CCDC127: variants seen among roughly 807,000 people sequenced by gnomAD.
CCDC127 encodes coiled-coil domain containing 127, also known as coiled-coil domain-containing protein 127.
In CCDC127, 2 loss-of-function variants were observed where a neutral mutation model predicts 4.1. The observed-to-expected ratio is 0.49, with a 90% confidence interval of 0.20 to 1.53. The LOEUF (loss-of-function observed/expected upper bound fraction) is 1.53. Among genes scored for constraint, CCDC127 ranks in the 40% most tolerant of loss-of-function variants. CCDC127 has a pLI of 0.23. For synonymous variants in CCDC127, 98 were observed against 120.4 expected (o/e 0.81, Z 1.22); for missense variants, 271 against 322.9 (o/e 0.84, Z 1.23).
At chr5:207,209 TC>T (rs914424050) in intron 2 of CCDC127, among the ~76,000 whole-genome samples, 2 of 152,138 alleles carry the variant, frequency 1.3e-5, no homozygotes, top group African/African-American at 4.8e-5. Flanking sequence ...TGAAAGCCAG[TC>T]CCCCTTGGAT....
Position 205,265 on chromosome 5 carries a change from G to A in CCDC127, c.*32C>T. On this transcript the variant is annotated 3_prime_UTR_variant, in exon 3 of 3. Transcript: ENST00000296824. ...AAGGCGCATGACTGCCTGGCCTCGA[G>A]TCACTAAAAGCAGTTTGATTTCACT... is the stretch of plus-strand genomic sequence containing the variant. 1 of 1,571,724 alleles carries A rather than the reference G, an allele frequency of 6.4e-7. No individual in the cohort carries two copies. The highest frequency in any genetic ancestry group is 8.7e-7 in the Non-Finnish European group (1 of 1,155,688).
rs750603310 is a variant in CCDC127 at position 203,303 on chromosome 5, C to G, written c.*1994G>C. 1 of 152,220 alleles carries G rather than the reference C, an allele frequency of 6.6e-6. No individual in the cohort carries two copies. The highest frequency in any genetic ancestry group is 1.5e-5 in the Non-Finnish European group (1 of 68,044). 9.4% of individuals were successfully genotyped at this position (152,220 alleles called of 1,614,324 possible). The stretch of plus-strand genomic sequence containing the variant: ...AAGCGATGGTGGTAGAGCAGAGAGG[C>G]ACGCTAGCAGCCACTGAAGAAGAGA... On this transcript the variant is annotated 3_prime_UTR_variant, in exon 3 of 3. Transcript: ENST00000296824.
chr5:213,454 A>T (rs1734314769), intron 2 of CCDC127, among the ~76,000 whole-genome samples: 1 of 110,874 alleles, frequency 9.0e-6, no homozygotes, highest in Non-Finnish European at 1.8e-5. Flanking sequence ...GACATCGCAC[A>T]CTGCAGCCAC....
intron 1 of CCDC127, 33 bp downstream of exon 1, chr5:218,060 C>A: frequency 8.9e-7 from 1 of 1,119,018 alleles, no homozygotes; most frequent in Middle Eastern, 3.7e-4. Context: ...AATGTTGGTG[C>A]CCACCACCTC....
intron 2 of CCDC127, among the ~76,000 whole-genome samples, chr5:208,632 C>T (rs1734222604): frequency 6.6e-6 from 1 of 152,010 alleles, no homozygotes; most frequent in African/African-American, 2.4e-5. Flanking sequence ...CGGGGGGCAC[C>T]AGTAGAGGCC....
intron 2 of CCDC127, among the ~76,000 whole-genome samples, chr5:209,951 C>G (rs1387329297): frequency 6.6e-6 from 1 of 152,190 alleles, no homozygotes; most frequent in African/African-American, 2.4e-5. Context: ...GCTTCCTTGA[C>G]TTGATAAACA....
chr5:213,237 G>A (rs375725769), intron 2 of CCDC127, among the ~76,000 whole-genome samples: 3 of 67,884 alleles, frequency 4.4e-5, no homozygotes, highest in Admixed American at 1.5e-4. Flanking sequence ...TGGGGCAGAC[G>A]GGACAGCAGT....
chr5:206,026 A>T, intron 2 of CCDC127, 68 bp from the exon 3 acceptor site: 1 of 1,374,250 alleles, frequency 7.3e-7, no homozygotes, highest in Non-Finnish European at 1.0e-6. Flanking sequence ...TCCTCACTTA[A>T]ATCATAAGGC....
rs113035448 is a variant in CCDC127 at position 200,394 on chromosome 5, A to T, written c.*4903T>A. 1.3e-5 allele frequency: 2 copies of T among 152,304 alleles called. No homozygotes were observed. The highest frequency in any genetic ancestry group is 4.8e-5 in the African/African-American group (2 of 41,468). 9.4% of individuals were successfully genotyped at this position (152,304 alleles called of 1,614,324 possible). A position where few individuals can be genotyped will look rare whatever the true frequency, so the allele number is the denominator to read the frequency against. ...AGAACACCGCGGTATGGTGGAGCCC[A>T]GCGCTTCCCTAACTCGGCCGCCCGC... On this transcript the variant is annotated 3_prime_UTR_variant, in exon 3 of 3. Transcript: ENST00000296824.
intron 2 of CCDC127, among the ~76,000 whole-genome samples, chr5:211,239 AC>A: frequency 8.3e-6 from 1 of 120,256 alleles, no homozygotes; most frequent in African/African-American, 3.4e-5. Flanking sequence ...ACGAGACAGC[AC>A]CACACACCCA....
chr5:209,068 T>C (rs1289296958), intron 2 of CCDC127, among the ~76,000 whole-genome samples: 1 of 152,170 alleles, frequency 6.6e-6, no homozygotes, highest in Non-Finnish European at 1.5e-5. Context: ...GAAGAAAAAC[T>C]GGAATGACGG....
In CCDC127 at chr5:205,562, T is replaced by A. The variant is rs1365628630; in HGVS notation, c.518A>T (p.Tyr173Phe). Residue 173 changes from tyrosine to phenylalanine, a missense_variant, in exon 3 of 3, where the codon TAC becomes TTC. Around this residue, in one of 2 missense-constraint regions of CCDC127, gnomAD observed 265 missense variants for 270.9 expected, o/e 0.98. Transcript: ENST00000296824. ...EAVLTERQNIYCSLFLPRSKR... is the reference protein window; with the variant it reads ...EAVLTERQNIFCSLFLPRSKR... ...GCTGCGAGGAAGAAACAGACTGCAG[T>A]AGATATTCTGTCTTTCTGTGAGAAC... The A allele has an allele frequency of 1.2e-6, 2 of 1,614,238 alleles. No individual in the cohort carries two copies. The highest frequency in any genetic ancestry group is 1.7e-6 in the Non-Finnish European group (2 of 1,180,044).
In CCDC127 at chr5:205,250, A is replaced by C; in HGVS notation, c.*47T>G. ...ACGCCGGAGACCCAGAAGGCGCATG[A>C]CTGCCTGGCCTCGAGTCACTAAAAG... On this transcript the variant is annotated 3_prime_UTR_variant, in exon 3 of 3. Coordinates refer to ENST00000296824, the MANE Select transcript of CCDC127 (RefSeq NM_145265.3). The C allele has an allele frequency of 6.5e-7, 1 of 1,542,578 alleles. No individual in the cohort carries two copies. The highest frequency in any genetic ancestry group is 8.8e-7 in the Non-Finnish European group (1 of 1,136,574).
intron 1 of CCDC127, chr5:217,133 C>CA (rs907576923): frequency 6.1e-4 from 97 of 157,930 alleles, no homozygotes; most frequent in Middle Eastern, 2.8e-3. Context: ...CCGTCCCCCC[C>CA]AAAAAAAAAG....
rs2126504279 is a variant in CCDC127, at chr5:205,522, T to C, written c.558A>G (p.Ile186Met). The C allele has an allele frequency of 6.2e-7, 1 of 1,614,000 alleles. No individual in the cohort carries two copies. The highest frequency in any genetic ancestry group is 8.5e-7 in the Non-Finnish European group (1 of 1,179,852). The stretch of plus-strand genomic sequence containing the variant: ...ACGCTCGCACCAGTAAGCTCTTCTC[T>C]ATCTCCAGCCGCTTGCTGCGAGGAA... ...LFLPRSKRLE[I>M]EKSLLVRASV... Residue 186 changes from isoleucine to methionine, a missense_variant, in exon 3 of 3, where the codon ATA becomes ATG. By Grantham distance (10) the Ile-to-Met change is conservative (BLOSUM62 1). Around this residue, in one of 2 missense-constraint regions of CCDC127, gnomAD observed 265 missense variants for 270.9 expected, o/e 0.98. Coordinates refer to ENST00000296824, the MANE Select transcript of CCDC127 (RefSeq NM_145265.3).
chr5:217,996 C>G, intron 1 of CCDC127, 97 bp downstream of exon 1: 1 of 718,454 alleles, frequency 1.4e-6, no homozygotes, highest in Non-Finnish European at 1.8e-6. Flanking sequence ...GCGGTCTGGG[C>G]GTTCAGGCCC....
At chr5:210,282 G>A (rs536301359) in intron 2 of CCDC127, among the ~76,000 whole-genome samples, 2 of 152,290 alleles carry the variant, frequency 1.3e-5, no homozygotes, top group East Asian at 1.9e-4. Flanking sequence ...AAAAGGAAAC[G>A]ATGATAAGCT....
At chr5:208,582 G>C (rs555687357) in intron 2 of CCDC127, among the ~76,000 whole-genome samples, 175 of 152,312 alleles carry the variant, frequency 1.1e-3, no homozygotes, top group African/African-American at 4.1e-3. Context: ...GGTGGGGTCG[G>C]GGGGAGCCAT....
At chr5:215,755 T>C (rs1734368304) in intron 2 of CCDC127, 1 of 152,188 alleles carries the variant, frequency 6.6e-6, no homozygotes. Context: ...CTACACAAAA[T>C]GTATCGCTAC....
Sources: allele counts gnomAD v4.1 joint callset (sites outside exome capture counted in the v4.1 genomes callset), GRCh38; gene constraint gnomAD v4.1.1; regional missense constraint gnomAD v4.1.1; transcripts MANE v1.5; gene names NCBI Gene and HGNC (gene_info 2026-07-23, HGNC 2026-07-21).